STXBP5L: variants seen among roughly 807,000 people sequenced by gnomAD.
The protein encoded by STXBP5L is syntaxin binding protein 5L.
A neutral mutation model predicts 144.5 loss-of-function variants in STXBP5L; 65 were observed. The ratio of observed to expected loss-of-function variants is 0.45; its 90% CI spans 0.37 to 0.55. The LOEUF is 0.55. STXBP5L is among the 20% of genes least tolerant of loss of function. The pLI is 0.00. For missense variants in STXBP5L, 1,298 were observed against 1,405.5 expected, an observed-to-expected ratio of 0.92 and a Z score of 1.22; for synonymous variants, 505 against 469.6, an observed-to-expected ratio of 1.08 and a Z score of -0.97.
intron 2 of STXBP5L, among the ~76,000 whole-genome samples, chr3:120,952,714 A>T (rs763768097): frequency 2.0e-5 from 3 of 152,076 alleles, no homozygotes; most frequent in Non-Finnish European, 4.4e-5. Flanking sequence ...GCATTGATGG[A>T]TGCTTGATCA....
intron 9 of STXBP5L, among the ~76,000 whole-genome samples, chr3:121,173,244 G>A (rs1205803212): frequency 6.6e-6 from 1 of 151,574 alleles, no homozygotes; most frequent in Admixed American, 6.6e-5. Context: ...CAGGTTAATG[G>A]GTGCAGCAAA....
intron 3 of STXBP5L, among the ~76,000 whole-genome samples, chr3:120,959,184 C>T (rs955541366): frequency 5.3e-5 from 8 of 152,126 alleles, no homozygotes. Context: ...CCTAGGAATC[C>T]AACTTACAAG....
chr3:121,041,849 T>C, intron 4 of STXBP5L, 68 bp downstream of exon 4: 3 of 1,010,850 alleles, frequency 3.0e-6, no homozygotes, highest in Non-Finnish European at 4.7e-6. Context: ...GTTAATGTAA[T>C]CTTTTAAATA....
intron 20 of STXBP5L, among the ~76,000 whole-genome samples, chr3:121,360,906 A>G (rs969382722): frequency 5.3e-5 from 8 of 152,080 alleles, no homozygotes; most frequent in African/African-American, 1.7e-4. Context: ...TCAGGTGGTT[A>G]TATATTGCTC....
chr3:121,050,460 C>G (rs1465292958), intron 5 of STXBP5L, among the ~76,000 whole-genome samples: 1 of 151,994 alleles, frequency 6.6e-6, no homozygotes, highest in African/African-American at 2.4e-5. Context: ...ATTTTCAACC[C>G]AGAATTTCAT....
intron 9 of STXBP5L, among the ~76,000 whole-genome samples, chr3:121,173,727 A>C (rs1035002538): frequency 6.4e-4 from 98 of 152,160 alleles, no homozygotes; most frequent in Non-Finnish European, 1.3e-4. Context: ...TGTATTTATC[A>C]ATATCATAAG....
intron 2 of STXBP5L, among the ~76,000 whole-genome samples, chr3:120,922,009 G>T (rs1230164248): frequency 6.6e-6 from 1 of 151,780 alleles, no homozygotes; most frequent in African/African-American, 2.4e-5. Context: ...AGAAACATTG[G>T]TATTTTGATA....
intron 7 of STXBP5L, among the ~76,000 whole-genome samples, chr3:121,130,510 T>C (rs1176635694): frequency 2.0e-5 from 3 of 152,038 alleles, no homozygotes; most frequent in Non-Finnish European, 4.4e-5. Flanking sequence ...TATATAATCT[T>C]ATGGGATTGG....
At chr3:121,399,170 G>A (rs2046808959) in intron 22 of STXBP5L, among the ~76,000 whole-genome samples, 1 of 152,106 alleles carries the variant, frequency 6.6e-6, no homozygotes, top group African/African-American at 2.4e-5. Flanking sequence ...CCTCATCAGT[G>A]TGAAAAAGTT....
intron 20 of STXBP5L, among the ~76,000 whole-genome samples, chr3:121,350,354 G>C (rs2045222526): frequency 6.6e-6 from 1 of 152,130 alleles, no homozygotes; most frequent in African/African-American, 2.4e-5. Context: ...GCTTCCCTTT[G>C]TGGGTAACCC....
chr3:121,030,026 C>G (rs1043865333), intron 3 of STXBP5L, among the ~76,000 whole-genome samples: 1 of 152,008 alleles, frequency 6.6e-6, no homozygotes, highest in Non-Finnish European at 1.5e-5. Context: ...AGTCAGGAAA[C>G]GACAGAAGCT....
chr3:120,986,162 CA>C (rs1303303203), intron 3 of STXBP5L, among the ~76,000 whole-genome samples: 2 of 151,792 alleles, frequency 1.3e-5, no homozygotes, highest in African/African-American at 4.8e-5. Context: ...GGTTGTTTAA[CA>C]GTGTATTGTT....
At chr3:121,004,389 C>T (rs1227474588) in intron 3 of STXBP5L, among the ~76,000 whole-genome samples, 3 of 151,992 alleles carry the variant, frequency 2.0e-5, no homozygotes, top group Admixed American at 2.0e-4. Flanking sequence ...GTGATTTTTG[C>T]CCATTGATTT....
At chr3:121,414,842 A>G (rs951227984) in intron 24 of STXBP5L, among the ~76,000 whole-genome samples, 3 of 152,236 alleles carry the variant, frequency 2.0e-5, no homozygotes, top group Non-Finnish European at 4.4e-5. Context: ...TATTCTGGTT[A>G]TAGTATGGCA....
chr3:120,974,666 A>G (rs919856535), intron 3 of STXBP5L, among the ~76,000 whole-genome samples: 16 of 152,100 alleles, frequency 1.1e-4, no homozygotes, highest in Admixed American at 2.6e-4. Context: ...TAGGGTTTTT[A>G]TGGTTTTAGG....
intron 5 of STXBP5L, among the ~76,000 whole-genome samples, chr3:121,045,991 G>A (rs947279945): frequency 6.6e-6 from 1 of 152,082 alleles, no homozygotes; most frequent in Admixed American, 6.5e-5. Flanking sequence ...GTATGATGTT[G>A]GCTGTGAGTT....
chr3:121,152,700 G>C (rs2045972828), intron 8 of STXBP5L, 140 bp downstream of exon 8: 2 of 541,416 alleles, frequency 3.7e-6, no homozygotes, highest in Non-Finnish European at 6.2e-6. Flanking sequence ...CTGTCTTTTA[G>C]TATTTGTGTA....
chr3:121,353,612 G>T (rs1382482519), intron 20 of STXBP5L, among the ~76,000 whole-genome samples: 1 of 151,960 alleles, frequency 6.6e-6, no homozygotes, highest in Non-Finnish European at 1.5e-5. Context: ...TATCAATTTT[G>T]TTGATCTTTT....
intron 20 of STXBP5L, among the ~76,000 whole-genome samples, chr3:121,346,592 T>C (rs981026869): frequency 7.2e-5 from 11 of 152,174 alleles, no homozygotes; most frequent in African/African-American, 2.7e-4. Context: ...TTCCTACTTC[T>C]CCACATCCTC....
Sources: gnomAD v4.1 joint callset for allele counts (sites outside exome capture counted in the v4.1 genomes callset) on GRCh38, gnomAD v4.1.1 for gene constraint, MANE v1.5 for transcripts, NCBI Gene and HGNC (gene_info 2026-07-23, HGNC 2026-07-21) for gene names.